HADHB: variants seen among roughly 807,000 people sequenced by gnomAD.
The protein encoded by HADHB is hydroxyacyl-CoA dehydrogenase trifunctional multienzyme complex subunit beta.
In HADHB, 50 loss-of-function variants were observed where a neutral mutation model predicts 61.9. That is an observed-to-expected ratio of 0.81 (90% CI 0.64 to 1.02). The LOEUF is 1.02. Ranked by LOEUF, HADHB falls within the 50% of genes least tolerant of loss-of-function variation. The probability of loss-of-function intolerance (pLI) is 0.00; values close to 1 mark genes in which losing one functional copy is unlikely to be tolerated. For missense variants in HADHB, 504 were observed against 586.5 expected (o/e 0.86, Z 1.45); for synonymous variants, 191 against 201.6 (o/e 0.95, Z 0.45).
Position 26,285,267 on chromosome 2 carries a change from T to G in HADHB, c.1225-140T>G, listed in dbSNP as rs1023631658. On this transcript the variant is annotated intron_variant, in intron 14 of 15. Coordinates refer to ENST00000317799, the MANE Select transcript of HADHB (RefSeq NM_000183.3). ...TTTTAATATTGACCTAGACTTACTT[T>G]CTTTTGCAGTAAAATTATTTGTAAT... is the stretch of plus-strand genomic sequence containing the variant. 5 of 720,886 alleles carry G rather than the reference T, an allele frequency of 6.9e-6. No individual in the cohort carries two copies. The Admixed American group carries it at 1.2e-4, about 18-fold the overall frequency. 44.7% of individuals were successfully genotyped at this position (720,886 alleles called of 1,614,324 possible).
intron 12 of HADHB, among the ~76,000 whole-genome samples, chr2:26,283,429 C>T (rs919093018): frequency 1.1e-4 from 16 of 152,070 alleles, no homozygotes; most frequent in Admixed American, 3.3e-4. Context: ...GAGGTTTTGG[C>T]AAGAGAATGG....
In HADHB at chr2:26,254,314, A is replaced by T; in HGVS notation, c.60A>T (p.Arg20Ser). 1 of 1,548,690 alleles carries T rather than the reference A, an allele frequency of 6.5e-7. No individual in the cohort carries two copies. Among genetic ancestry groups the T allele is most frequent in the Non-Finnish European group, 8.9e-7 (1 of 1,120,852 alleles). Residue 20 changes from arginine to serine, a missense_variant, in exon 2 of 16, where the codon AGA becomes AGT. Physicochemically the swap from Arg to Ser is moderately radical, Grantham distance 110. Coordinates refer to ENST00000317799, the MANE Select transcript of HADHB (RefSeq NM_000183.3). ...CCACTGCATCAAAATGGGCCCTCAG[A>T]TTTTGTAAGTTTATTATTATTTTTT... ...NLPTASKWAL[R>S]FSIRPLSCSS...
chr2:26,279,066 GA>G, intron 8 of HADHB, 68 bp from the exon 9 acceptor site: 1 of 1,269,704 alleles, frequency 7.9e-7, no homozygotes, highest in South Asian at 1.2e-5. Context: ...AAATAACACA[GA>G]ACAATCCTAG....
At chr2:26,280,257 A>G in intron 10 of HADHB, 142 bp downstream of exon 10, 1 of 740,906 alleles carries the variant, frequency 1.3e-6, no homozygotes, top group South Asian at 1.7e-5. Context: ...AAGTGGAGTC[A>G]TTAAAAAAAA....
At chr2:26,286,084 C>G (rs1239116773) in intron 15 of HADHB, among the ~76,000 whole-genome samples, 2 of 151,954 alleles carry the variant, frequency 1.3e-5, no homozygotes, top group African/African-American at 2.4e-5. Context: ...TAAACCCAAG[C>G]TATTTTTCCC....
At position 26,254,253 on chromosome 2, in the gene HADHB, G is replaced by A. The variant is rs773419302; in HGVS notation, c.-2G>A. 3 of 1,075,402 alleles carry A rather than the reference G, an allele frequency of 2.8e-6. No individual in the cohort carries two copies. Among genetic ancestry groups the A allele is most frequent in the African/African-American group, 5.7e-5 (2 of 34,924 alleles). 66.6% of individuals were successfully genotyped at this position (1,075,402 alleles called of 1,614,324 possible). On this transcript the variant is annotated 5_prime_UTR_variant, in exon 2 of 16. Transcript: ENST00000317799. ...TTTGTTCTTCTCTTTTTAGATTCCAGAATGACTATCTTGACTTACCCCTTT... is the reference window on the plus strand; with the variant it reads ...TTTGTTCTTCTCTTTTTAGATTCCAAAATGACTATCTTGACTTACCCCTTT...
At chr2:26,274,128 T>C (rs1672452420) in intron 6 of HADHB, among the ~76,000 whole-genome samples, 1 of 152,260 alleles carries the variant, frequency 6.6e-6, no homozygotes, top group Non-Finnish European at 1.5e-5. Flanking sequence ...ACTAATTTCA[T>C]AACTTGACTT....
chr2:26,278,118 C>T (rs1051675948), intron 7 of HADHB, among the ~76,000 whole-genome samples: 3 of 152,196 alleles, frequency 2.0e-5, no homozygotes, highest in Non-Finnish European at 2.9e-5. Flanking sequence ...GAATGATGCC[C>T]GTGACTGGGG....
chr2:26,283,113 AT>A, intron 12 of HADHB, 62 bp downstream of exon 12: 2 of 1,002,236 alleles, frequency 2.0e-6, no homozygotes, highest in Non-Finnish European at 3.2e-6. Flanking sequence ...ATGTTTTATT[AT>A]ACTGGTTAAT....
chr2:26,244,949 G>A lies in HADHB; in HGVS notation c.-50G>A. 4 of 377,814 alleles carry A rather than the reference G, an allele frequency of 1.1e-5. No homozygotes were observed. The highest frequency in any genetic ancestry group is 9.8e-5 in the South Asian group (4 of 40,640). The allele number at this position is 377,814 out of a possible 1,614,324, so 23.4% of individuals were successfully genotyped here. Reference sequence around the variant, plus strand: ...CCGCAGAGCCTTGGTACTTGGACCTGAACCTTGCTCCGAGAGGGAGTCCTC... The same window carrying A: ...CCGCAGAGCCTTGGTACTTGGACCTAAACCTTGCTCCGAGAGGGAGTCCTC... On this transcript the variant is annotated 5_prime_UTR_variant, in exon 1 of 16. Transcript: ENST00000317799.
At chr2:26,261,124 T>A in intron 3 of HADHB, 1 of 851,412 alleles carries the variant, frequency 1.2e-6, no homozygotes, top group East Asian at 2.6e-5. Context: ...GATGTGTCTA[T>A]GGCTTCCCCT....
chr2:26,264,781 G>A (rs762827385), intron 4 of HADHB, among the ~76,000 whole-genome samples: 10 of 151,920 alleles, frequency 6.6e-5, no homozygotes, highest in Non-Finnish European at 1.5e-4. Flanking sequence ...AGGCTAAGGT[G>A]GGTGGATCAC....
At chr2:26,270,570 C>A (rs918702706) in intron 5 of HADHB, among the ~76,000 whole-genome samples, 1 of 149,400 alleles carries the variant, frequency 6.7e-6, no homozygotes. Flanking sequence ...TTTTTTTTTT[C>A]TTCCTGCAAT....
At chr2:26,245,129 C>T (rs1274598414) in intron 1 of HADHB, 139 bp downstream of exon 1, 1 of 215,886 alleles carries the variant, frequency 4.6e-6, no homozygotes, top group Admixed American at 5.2e-5. Context: ...GAAGGAAACT[C>T]CTCGGACAAG....
intron 1 of HADHB, among the ~76,000 whole-genome samples, chr2:26,247,863 A>AG (rs1168437334): frequency 6.6e-6 from 1 of 152,188 alleles, no homozygotes; most frequent in East Asian, 1.9e-4. Flanking sequence ...TTGGTATCTG[A>AG]GGGGGGTTCT....
At chr2:26,279,835 T>G (rs1672709720) in intron 9 of HADHB, among the ~76,000 whole-genome samples, 159 bp from the exon 10 acceptor site, 1 of 152,346 alleles carries the variant, frequency 6.6e-6, no homozygotes, top group East Asian at 1.9e-4. Flanking sequence ...GACTTTAGTT[T>G]AAAATTTGAT....
Position 26,263,486 on chromosome 2 carries a change from A to G in HADHB, c.209+7A>G, listed in dbSNP as rs773618132. 2.6e-6 allele frequency: 4 copies of G among 1,512,104 alleles called. No homozygotes were observed. The Admixed American group carries it at 5.0e-5, about 19-fold the overall frequency. The allele number at this position is 1,512,104 out of a possible 1,614,324, so 93.7% of individuals were successfully genotyped here. ...TTTTGCTGTCTGGCACTTCGTAAGT[A>G]TGACATGATCATATTATTTTTTTCC... On this transcript the variant is annotated splice_region_variant and intron_variant, in intron 4 of 15. Coordinates refer to ENST00000317799, the MANE Select transcript of HADHB (RefSeq NM_000183.3).
chr2:26,288,708 C>CA (rs112810862), intron 15 of HADHB, among the ~76,000 whole-genome samples: 5,776 of 151,132 alleles, frequency 0.038, 357 homozygotes, highest in African/African-American at 0.13. Flanking sequence ...GGCCCTGTTT[C>CA]AAAAAAAACA....
chr2:26,270,124 A>G, intron 5 of HADHB, 127 bp downstream of exon 5: 1 of 745,046 alleles, frequency 1.3e-6, no homozygotes, highest in Admixed American at 2.0e-5. Context: ...CAGCTTATGA[A>G]TATTGTCAAT....
Sources: gnomAD v4.1 joint callset for allele counts (sites outside exome capture counted in the v4.1 genomes callset) on GRCh38, gnomAD v4.1.1 for gene constraint, MANE v1.5 for transcripts, NCBI Gene and HGNC (gene_info 2026-07-23, HGNC 2026-07-21) for gene names.